VTI1A: variants seen among roughly 807,000 people sequenced by gnomAD.
VTI1A encodes vesicle transport through interaction with t-SNAREs homolog 1A.
VTI1A carries 22 observed loss-of-function variants against 34.9 expected under a neutral mutation model. The observed-to-expected ratio is 0.63, with a 90% CI of 0.45 to 0.90. VTI1A has a LOEUF of 0.90. Among genes scored for constraint, VTI1A ranks in the 40% least tolerant of loss-of-function variants. The probability of loss-of-function intolerance (pLI) is 0.00; values close to 1 mark genes in which losing one functional copy is unlikely to be tolerated. For missense variants in VTI1A, 268 were observed against 275.6 expected, an observed-to-expected ratio of 0.97 and a Z score of 0.20; for synonymous variants, 87 against 97.3, an observed-to-expected ratio of 0.89 and a Z score of 0.62.
At chr10:112,504,297 G>A (rs982223657) in intron 3 of VTI1A, among the ~76,000 whole-genome samples, 2 of 152,040 alleles carry the variant, frequency 1.3e-5, no homozygotes, top group Non-Finnish European at 2.9e-5. Context: ...CTACTGTTAC[G>A]AATTGTTTGT....
intron 7 of VTI1A, among the ~76,000 whole-genome samples, chr10:112,693,822 T>G (rs1467341980): frequency 9.2e-5 from 14 of 152,212 alleles, no homozygotes; most frequent in Admixed American, 5.9e-4. Context: ...CCCAAGAGCC[T>G]GTACACATTC....
chr10:112,781,764 A>G lies in VTI1A; in HGVS notation c.561-33526A>G, dbSNP rs61119457. 3.4e-3 allele frequency among the ~76,000 whole-genome samples: 514 copies of G among 152,148 alleles called. 3 individuals carry two copies. Among genetic ancestry groups the G allele is most frequent in the African/African-American group, 0.012 (488 of 41,502 alleles). ...CAGCTACTCGGGAGGCTGAGGCAGG[A>G]GAATCGCTTGAACCCAGGAGGCGGA... is the stretch of plus-strand genomic sequence containing the variant. On this transcript the variant is annotated intron_variant, in intron 7 of 7. Coordinates refer to ENST00000393077, the MANE Select transcript of VTI1A (RefSeq NM_145206.4).
At chr10:112,534,930 C>T (rs942831026) in intron 4 of VTI1A, among the ~76,000 whole-genome samples, 8 of 152,222 alleles carry the variant, frequency 5.3e-5, no homozygotes, top group African/African-American at 1.9e-4. Context: ...CTACGTGAAG[C>T]CCTTGCCCCT....
intron 5 of VTI1A, among the ~76,000 whole-genome samples, chr10:112,562,790 A>G (rs769968432): frequency 3.9e-5 from 6 of 152,160 alleles, no homozygotes; most frequent in Admixed American, 6.6e-5. Context: ...TTATCACTCT[A>G]TCCTCATTCG....
At chr10:112,681,433 A>G (rs962467303) in intron 7 of VTI1A, among the ~76,000 whole-genome samples, 2 of 152,180 alleles carry the variant, frequency 1.3e-5, no homozygotes, top group Admixed American at 6.5e-5. Flanking sequence ...CAGCAGACCA[A>G]ATCCAGCCTG....
At chr10:112,512,343 G>A (rs748619120) in intron 3 of VTI1A, among the ~76,000 whole-genome samples, 4 of 152,010 alleles carry the variant, frequency 2.6e-5, no homozygotes, top group Non-Finnish European at 5.9e-5. Context: ...GGCTATTTGT[G>A]TATCTTCTTT....
intron 7 of VTI1A, among the ~76,000 whole-genome samples, chr10:112,694,395 TGGATGGATGGAC>T (rs1418038807): frequency 2.6e-5 from 4 of 151,696 alleles, no homozygotes; most frequent in Non-Finnish European, 5.9e-5. Flanking sequence ...GGTGGATGGA[TGGATGGATGGAC>T]GGACGGACAG....
chr10:112,460,182 A>G (rs575730819), intron 1 of VTI1A, among the ~76,000 whole-genome samples: 2 of 152,362 alleles, frequency 1.3e-5, no homozygotes, highest in African/African-American at 2.4e-5. Context: ...CCAATTTATT[A>G]AAGTTATGAC....
intron 7 of VTI1A, among the ~76,000 whole-genome samples, chr10:112,690,180 T>C (rs1469369556): frequency 6.6e-6 from 1 of 152,212 alleles, no homozygotes; most frequent in Non-Finnish European, 1.5e-5. Context: ...ATGTGTAAGT[T>C]GCTTCCAGTT....
intron 7 of VTI1A, among the ~76,000 whole-genome samples, chr10:112,751,790 C>T (rs1564911724): frequency 6.6e-6 from 1 of 152,148 alleles, no homozygotes; most frequent in Admixed American, 6.5e-5. Context: ...AATTTAATGT[C>T]GCATCCTGCA....
intron 3 of VTI1A, among the ~76,000 whole-genome samples, chr10:112,485,495 T>C (rs1170004955): frequency 1.3e-5 from 2 of 152,220 alleles, no homozygotes; most frequent in African/African-American, 4.8e-5. Flanking sequence ...TCAGTAGTTA[T>C]AGTGACATAT....
chr10:112,616,088 A>G (rs1315856966), intron 5 of VTI1A, among the ~76,000 whole-genome samples: 1 of 152,232 alleles, frequency 6.6e-6, no homozygotes, highest in East Asian at 1.9e-4. Flanking sequence ...AAGTTTAAAC[A>G]TATTATTTAA....
intron 5 of VTI1A, among the ~76,000 whole-genome samples, chr10:112,539,187 A>G (rs1244076680): frequency 2.6e-5 from 4 of 152,224 alleles, no homozygotes; most frequent in African/African-American, 9.6e-5. Flanking sequence ...CTCTTGCCCA[A>G]TGTGTAAACC....
chr10:112,851,024 C>G, the VTI1A span, among the ~76,000 whole-genome samples: 1 of 152,216 alleles, frequency 6.6e-6, no homozygotes, highest in Non-Finnish European at 1.5e-5. Context: ...CCTCCCAAGA[C>G]AGAGGCGCAT....
chr10:112,599,466 A>C (rs577132548), intron 5 of VTI1A, among the ~76,000 whole-genome samples: 3 of 152,278 alleles, frequency 2.0e-5, no homozygotes, highest in Admixed American at 6.5e-5. Context: ...ATTAGGACAA[A>C]ACAGTCCATG....
chr10:112,830,851 T>TATATATATA, the VTI1A span, among the ~76,000 whole-genome samples: 8 of 38,008 alleles, frequency 2.1e-4, no homozygotes, highest in East Asian at 5.7e-3. Context: ...ATATATATAT[T>TATATATATA]TTTTTTTTTT....
chr10:112,744,282 G>T, intron 7 of VTI1A, among the ~76,000 whole-genome samples: 1 of 151,920 alleles, frequency 6.6e-6, no homozygotes, highest in East Asian at 1.9e-4. Context: ...CCAATTCAGC[G>T]TCCACTCTCT....
chr10:112,823,887 T>G, the VTI1A span: 1 of 152,244 alleles, frequency 6.6e-6, no homozygotes, highest in African/African-American at 2.4e-5. Context: ...TTGAGCTTTG[T>G]GGGCCCTAGG....
intron 7 of VTI1A, among the ~76,000 whole-genome samples, chr10:112,805,613 G>C (rs1320724611): frequency 6.6e-6 from 1 of 152,168 alleles, no homozygotes; most frequent in Non-Finnish European, 1.5e-5. Flanking sequence ...GATGAGGTAC[G>C]GGAATAGGGT....
Sources: gnomAD v4.1 joint callset for allele counts (sites outside exome capture counted in the v4.1 genomes callset) on GRCh38, gnomAD v4.1.1 for gene constraint, MANE v1.5 for transcripts, NCBI Gene and HGNC (gene_info 2026-07-23, HGNC 2026-07-21) for gene names.